The following ADAMTSL3 variants were observed in gnomAD, a reference collection of about 807,000 sequenced individuals.
ADAMTSL3 encodes ADAMTS-like protein 3.
A neutral mutation model predicts 201.7 loss-of-function variants in ADAMTSL3; 128 were observed. That is an observed-to-expected ratio of 0.63 (90% CI 0.55 to 0.73). The LOEUF is 0.73. Among genes scored for constraint, ADAMTSL3 ranks in the 30% least tolerant of loss-of-function variants. ADAMTSL3 has a pLI of 0.00. For missense variants in ADAMTSL3, 1,990 were observed against 2,119.6 expected (o/e 0.94, Z 1.20); for synonymous variants, 738 against 748.4 (o/e 0.99, Z 0.23).
At chr15:83,893,511 C>T (rs1055265143) in intron 13 of ADAMTSL3, among the ~76,000 whole-genome samples, 4 of 152,132 alleles carry the variant, frequency 2.6e-5, no homozygotes, top group Non-Finnish European at 4.4e-5. Flanking sequence ...AATGCTGACA[C>T]GACATGAAAG....
At chr15:83,792,734 G>T (rs2063362857) in intron 4 of ADAMTSL3, among the ~76,000 whole-genome samples, 1 of 151,086 alleles carries the variant, frequency 6.6e-6, no homozygotes, top group South Asian at 2.1e-4. Flanking sequence ...AGTGAGTCGA[G>T]ATTGTGCCAC....
chr15:83,982,361 G>A lies in ADAMTSL3; in HGVS notation c.2733G>A (p.Glu911=), dbSNP rs1352682029. Residue 911 remains glutamate (E), a synonymous_variant, in exon 21 of 30, where the codon GAG becomes GAA. Transcript: ENST00000286744. ...GAGTCTACATTCAGACAAGGGAAGAGAAGCGTATTAACCTGACCATTGGTA... is the reference window on the plus strand; with the variant it reads ...GAGTCTACATTCAGACAAGGGAAGAAAAGCGTATTAACCTGACCATTGGTA... The part of the protein sequence containing the change: ...VQRVYIQTRE[E]KRINLTIGSR... The A allele has an allele frequency of 2.5e-6, 4 of 1,614,052 alleles. No homozygotes were observed. The highest frequency in any genetic ancestry group is 2.7e-5 in the African/African-American group (2 of 74,976).
At chr15:83,898,044 A>G (rs1175574571) in intron 14 of ADAMTSL3, 39 bp downstream of exon 14, 5 of 1,564,514 alleles carry the variant, frequency 3.2e-6, no homozygotes, top group South Asian at 1.2e-5. Flanking sequence ...ATCAAATGGT[A>G]TTTTCCAGCT....
At chr15:83,700,150 G>A (rs564342591) in intron 2 of ADAMTSL3, among the ~76,000 whole-genome samples, 15 of 152,318 alleles carry the variant, frequency 9.8e-5, no homozygotes, top group African/African-American at 3.6e-4. Context: ...CATCACACTG[G>A]AAGGTCCACT....
intron 8 of ADAMTSL3, among the ~76,000 whole-genome samples, chr15:83,869,694 A>T (rs535129362): frequency 7.2e-5 from 11 of 152,298 alleles, no homozygotes; most frequent in African/African-American, 2.6e-4. Flanking sequence ...GTTGCATTTT[A>T]TCAGCTTTCC....
rs960285757 is a variant in ADAMTSL3 at position 83,844,239 on chromosome 15, T to C, written c.727+6024T>C. ...CAGCATTTTGCTCAAGTTTTGGCAG[T>C]ATGAAGATAAACACACACTCTTCTA... On this transcript the variant is annotated intron_variant, in intron 7 of 29. Coordinates refer to ENST00000286744, the MANE Select transcript of ADAMTSL3 (RefSeq NM_207517.3). 3.9e-5 allele frequency among the ~76,000 whole-genome samples: 6 copies of C among 152,218 alleles called. No individual in the cohort carries two copies. In the East Asian group the frequency reaches 1.2e-3, roughly 29 times the overall value.
At chr15:83,786,476 G>T (rs1016285052) in intron 4 of ADAMTSL3, among the ~76,000 whole-genome samples, 1 of 151,706 alleles carries the variant, frequency 6.6e-6, no homozygotes, top group African/African-American at 2.4e-5. Flanking sequence ...ACTCTTTTAG[G>T]TATTTTAAAA....
intron 5 of ADAMTSL3, among the ~76,000 whole-genome samples, chr15:83,810,930 G>A (rs141086560): frequency 4.3e-4 from 65 of 152,110 alleles, no homozygotes; most frequent in African/African-American, 1.5e-3. Flanking sequence ...GTAGAAACAG[G>A]GTTTCACCAT....
intron 17 of ADAMTSL3, among the ~76,000 whole-genome samples, chr15:83,933,877 C>T (rs1567245878): frequency 6.6e-6 from 1 of 152,328 alleles, no homozygotes; most frequent in African/African-American, 2.4e-5. Flanking sequence ...TGGTGTTGGG[C>T]CTGCAGGTGC....
intron 4 of ADAMTSL3, among the ~76,000 whole-genome samples, chr15:83,780,129 G>C (rs1332486321): frequency 6.6e-6 from 1 of 152,140 alleles, no homozygotes; most frequent in African/African-American, 2.4e-5. Context: ...AGATCAATGA[G>C]CCGGGTGTAG....
Position 84,031,669 on chromosome 15 carries a change from CTA to C in ADAMTSL3, c.4754+239_4754+240del, listed in dbSNP as rs201211184. Reference sequence around the variant, plus strand: ...TGTTAAACAATAAAGGGACACCACTCTATGTGGTAAAAGGGGAAAAGGATATC... The same window carrying C: ...TGTTAAACAATAAAGGGACACCACTCTGTGGTAAAAGGGGAAAAGGATATC... On this transcript the variant is annotated intron_variant, in intron 28 of 29. Transcript: ENST00000286744. Among the ~76,000 whole-genome samples, 1,019 of 152,260 alleles carry C rather than the reference CTA, an allele frequency of 6.7e-3. 15 individuals are homozygous for C. The highest frequency in any genetic ancestry group is 0.023 in the African/African-American group (957 of 41,550).
rs1367648197 is a variant in ADAMTSL3, at chr15:83,913,200, G to A, written c.1809G>A (p.Glu603=). 6.2e-7 allele frequency: 1 copy of A among 1,614,068 alleles called. No individual in the cohort carries two copies. The highest frequency in any genetic ancestry group is 8.5e-7 in the Non-Finnish European group (1 of 1,180,040). The change falls in exon 16 of 30, where the codon GAG becomes GAA. Residue 603 remains glutamate, a synonymous_variant. Transcript: ENST00000286744. ...VLLTFTQTET[E]LPEEECEGPK... is the part of the protein sequence containing the mutation. ...TCACATTCACGCAGACTGAGACTGA[G>A]CTGCCCGAGGAAGAGTGTGAAGGCC... is the stretch of plus-strand genomic sequence containing the variant.
chr15:83,689,129 T>A (rs1457541356), intron 2 of ADAMTSL3, among the ~76,000 whole-genome samples: 1 of 152,222 alleles, frequency 6.6e-6, no homozygotes, highest in African/African-American at 2.4e-5. Flanking sequence ...GGCCTAAAAC[T>A]TATTTTATTA....
Position 83,942,935 on chromosome 15 carries a change from C to T in ADAMTSL3, c.2343C>T (p.Asn781=), listed in dbSNP as rs74026623. The T allele has an allele frequency of 3.4e-3, 5,416 of 1,606,650 alleles. 174 individuals carry two copies. In the African/African-American group the frequency reaches 0.063, roughly 19 times the overall value. ...GGACTTGTGGCGGGGGAACTCAGAACAGAAGAGTCACCTGTCGGCAGCTGC... is the reference window on the plus strand; with the variant it reads ...GGACTTGTGGCGGGGGAACTCAGAATAGAAGAGTCACCTGTCGGCAGCTGC... ...CSRTCGGGTQ[N]RRVTCRQLLT... Residue 781 remains asparagine (N), a synonymous_variant, in exon 19 of 30, where the codon AAC becomes AAT. Coordinates refer to ENST00000286744, the MANE Select transcript of ADAMTSL3 (RefSeq NM_207517.3).
chr15:83,815,347 G>A (rs537684761), intron 5 of ADAMTSL3, among the ~76,000 whole-genome samples: 3 of 152,262 alleles, frequency 2.0e-5, no homozygotes, highest in African/African-American at 4.8e-5. Flanking sequence ...TGTTTCATGC[G>A]TATAGAAGCT....
Position 83,746,309 on chromosome 15 carries a change from C to T in ADAMTSL3, c.190-27214C>T, listed in dbSNP as rs112375283. ...TGTGAACCAGTTCTGGTCAATGACA[C>T]GTAACTGGTTCACATGGCCACTCAG... On this transcript the variant is annotated intron_variant, in intron 3 of 29. Coordinates refer to ENST00000286744, the MANE Select transcript of ADAMTSL3 (RefSeq NM_207517.3). 2.5e-4 allele frequency among the ~76,000 whole-genome samples: 37 copies of T among 150,402 alleles called. 1 individual carries two copies. Among genetic ancestry groups the T allele is most frequent in the African/African-American group, 8.5e-4 (35 of 41,224 alleles).
chr15:83,762,706 C>G (rs1057421742), intron 3 of ADAMTSL3, among the ~76,000 whole-genome samples: 2 of 152,182 alleles, frequency 1.3e-5, no homozygotes, highest in Non-Finnish European at 2.9e-5. Context: ...CATTGGTGAT[C>G]AACTTGCAAC....
intron 19 of ADAMTSL3, chr15:83,962,101 G>A (rs1055790104): frequency 1.3e-4 from 20 of 152,110 alleles, no homozygotes; most frequent in African/African-American, 4.1e-4. Context: ...TGAGTCTCAC[G>A]AGATCTGATG....
At chr15:83,660,034 A>G (rs2061140948) in intron 2 of ADAMTSL3, among the ~76,000 whole-genome samples, 1 of 152,226 alleles carries the variant, frequency 6.6e-6, no homozygotes. Context: ...AATTTGTTAC[A>G]GCACCAAGAG....
Sources: allele counts gnomAD v4.1 joint callset (sites outside exome capture counted in the v4.1 genomes callset), GRCh38; gene constraint gnomAD v4.1.1; transcripts MANE v1.5; gene names NCBI Gene and HGNC (gene_info 2026-07-23, HGNC 2026-07-21).